The following CLVS1 variants were observed in gnomAD, a reference collection of about 807,000 sequenced individuals.
The protein encoded by CLVS1 is clavesin-1.
In CLVS1, 10 loss-of-function variants were observed where a neutral mutation model predicts 33.1. The ratio of observed to expected loss-of-function variants is 0.30; its 90% CI spans 0.19 to 0.51. CLVS1 has a LOEUF of 0.51. CLVS1 is among the 20% of genes least tolerant of loss of function. The probability of loss-of-function intolerance (pLI) is 0.97; values close to 1 mark genes in which losing one functional copy is unlikely to be tolerated. For missense variants in CLVS1, 343 were observed against 433.4 expected (o/e 0.79, Z 1.85); for synonymous variants, 163 against 166.1 (o/e 0.98, Z 0.14).
In CLVS1 at chr8:61,299,936, A is replaced by G. The variant is rs538889155; in HGVS notation, c.109A>G (p.Lys37Glu). The change falls in exon 2 of 6, where the codon AAA (lysine) becomes GAA (glutamate). Residue 37 changes from lysine to glutamate, a missense_variant. This residue lies in a region of CLVS1 where 88 missense variants were observed against 77.3 expected (regional missense o/e 1.14). Coordinates refer to ENST00000325897, the MANE Select transcript of CLVS1 (RefSeq NM_173519.3). ...TGGACTCAGTCCAGAGACTATAGAG[A>G]AAGCTCGCCTGGAACTGAATGAAAA... ...QAGLSPETIE[K>E]ARLELNENPD... 1 of 1,614,028 alleles carries G rather than the reference A, an allele frequency of 6.2e-7. No individual in the cohort carries two copies. Among genetic ancestry groups the G allele is most frequent in the Admixed American group, 1.7e-5 (1 of 59,978 alleles).
At chr8:61,495,377 G>T (rs1320073936) in intron 5 of CLVS1, among the ~76,000 whole-genome samples, 1 of 152,132 alleles carries the variant, frequency 6.6e-6, no homozygotes, top group Non-Finnish European at 1.5e-5. Context: ...GTTGCATACA[G>T]CAGATGTTCA....
rs541347133 is a variant in CLVS1, at chr8:61,475,256, T to C, written c.977+16714T>C. 2.0e-5 allele frequency among the ~76,000 whole-genome samples: 3 copies of C among 152,356 alleles called. No homozygotes were observed. The East Asian group carries it at 5.8e-4, about 29-fold the overall frequency. On this transcript the variant is annotated intron_variant, in intron 5 of 5. Transcript: ENST00000325897. ...ATTGTGAATAGTGCCGCAATAAACA[T>C]GCGTGTGCATGTGTCTTTATAGCAG...
chr8:61,312,014 G>C (rs967686633), intron 2 of CLVS1, among the ~76,000 whole-genome samples: 2 of 152,238 alleles, frequency 1.3e-5, no homozygotes, highest in Non-Finnish European at 2.9e-5. Context: ...AGCATAGCTG[G>C]CTTCCTGAAT....
intron 5 of CLVS1, among the ~76,000 whole-genome samples, chr8:61,485,206 G>A (rs1293441922): frequency 6.6e-6 from 1 of 152,040 alleles, no homozygotes; most frequent in African/African-American, 2.4e-5. Context: ...CTGACAAAAG[G>A]CTAATATCCA....
intron 2 of CLVS1, among the ~76,000 whole-genome samples, chr8:61,351,665 G>A (rs1371730654): frequency 6.6e-6 from 1 of 151,886 alleles, no homozygotes; most frequent in Non-Finnish European, 1.5e-5. Flanking sequence ...AAAAGACAAA[G>A]GAAATATCTA....
intron 1 of CLVS1, among the ~76,000 whole-genome samples, chr8:61,060,737 A>T (rs1178221424): frequency 6.6e-6 from 1 of 152,144 alleles, no homozygotes; most frequent in Non-Finnish European, 1.5e-5. Flanking sequence ...CAACTAATTT[A>T]CTTCTTTCAA....
the CLVS1 span, among the ~76,000 whole-genome samples, chr8:60,997,415 GAACA>G: frequency 1.3e-5 from 2 of 152,174 alleles, no homozygotes; most frequent in African/African-American, 4.8e-5. Context: ...TGTGTGCTGA[GAACA>G]AATACACAGA....
chr8:61,105,399 TC>T (rs1197417749), intron 1 of CLVS1, among the ~76,000 whole-genome samples: 1 of 152,198 alleles, frequency 6.6e-6, no homozygotes, highest in Non-Finnish European at 1.5e-5. Flanking sequence ...TTCTTTCTTA[TC>T]TAGTCCATTT....
intron 2 of CLVS1, among the ~76,000 whole-genome samples, chr8:61,277,438 G>A (rs549014062): frequency 1.4e-4 from 22 of 152,238 alleles, no homozygotes; most frequent in African/African-American, 4.8e-4. Flanking sequence ...TGTGTATGAC[G>A]TCCGCACACA....
rs190864351 is a variant in CLVS1, at chr8:61,460,568, C to T, written c.977+2026C>T. On this transcript the variant is annotated intron_variant, in intron 5 of 5. Coordinates refer to ENST00000325897, the MANE Select transcript of CLVS1 (RefSeq NM_173519.3). ...TCCTATTGAAACTCTCATAAAATTG[C>T]CCATGTTTGATGAGAGAAGTGAGCA... Among the ~76,000 whole-genome samples, 71 of 152,284 alleles carry T rather than the reference C, an allele frequency of 4.7e-4. 1 individual carries two copies. Among genetic ancestry groups the T allele is most frequent in the African/African-American group, 1.5e-3 (62 of 41,564 alleles).
chr8:61,150,270 G>A (rs1340044823), intron 2 of CLVS1, among the ~76,000 whole-genome samples: 2 of 152,142 alleles, frequency 1.3e-5, no homozygotes, highest in African/African-American at 4.8e-5. Flanking sequence ...CTCACTTCTG[G>A]TCCAGCAGGG....
chr8:61,005,110 G>A, the CLVS1 span, among the ~76,000 whole-genome samples: 1 of 152,164 alleles, frequency 6.6e-6, no homozygotes, highest in African/African-American at 2.4e-5. Flanking sequence ...TGCCCGATAG[G>A]GGCATCTTGC....
chr8:61,457,153 T>C (rs967428389), intron 4 of CLVS1, among the ~76,000 whole-genome samples: 4 of 151,916 alleles, frequency 2.6e-5, no homozygotes, highest in African/African-American at 9.7e-5. Flanking sequence ...GCCAGGCTGG[T>C]CTCGAACTCC....
intron 1 of CLVS1, among the ~76,000 whole-genome samples, chr8:61,104,378 C>T (rs1390475469): frequency 2.6e-5 from 4 of 152,142 alleles, no homozygotes; most frequent in East Asian, 1.9e-4. Flanking sequence ...ATATAGGTAG[C>T]GTGTATGTCT....
intron 3 of CLVS1, among the ~76,000 whole-genome samples, chr8:61,430,810 C>G (rs974477039): frequency 6.6e-6 from 1 of 152,144 alleles, no homozygotes; most frequent in African/African-American, 2.4e-5. Flanking sequence ...GATCTCAGAT[C>G]AAGGACATGG....
intron 3 of CLVS1, among the ~76,000 whole-genome samples, chr8:61,401,956 G>T (rs1447986971): frequency 6.6e-6 from 1 of 152,016 alleles, no homozygotes; most frequent in Non-Finnish European, 1.5e-5. Flanking sequence ...TAAACTTACT[G>T]CTCTGCATTG....
chr8:61,032,339 C>G, the CLVS1 span, among the ~76,000 whole-genome samples: 1 of 152,206 alleles, frequency 6.6e-6, no homozygotes, highest in Non-Finnish European at 1.5e-5. Flanking sequence ...TCTGCTTTCT[C>G]ACACCCAGTC....
the CLVS1 span, among the ~76,000 whole-genome samples, chr8:61,011,680 C>T: frequency 6.6e-6 from 1 of 152,122 alleles, no homozygotes; most frequent in African/African-American, 2.4e-5. Flanking sequence ...AATGCCTGAC[C>T]TCGTGATTCA....
At chr8:61,210,487 T>G (rs1215519896) in intron 2 of CLVS1, among the ~76,000 whole-genome samples, 1 of 152,204 alleles carries the variant, frequency 6.6e-6, no homozygotes, top group African/African-American at 2.4e-5. Context: ...ATAAATTAGC[T>G]GCCATGTCAT....
Sources: allele counts gnomAD v4.1 joint callset (sites outside exome capture counted in the v4.1 genomes callset), GRCh38; gene constraint gnomAD v4.1.1; regional missense constraint gnomAD v4.1.1; transcripts MANE v1.5; gene names NCBI Gene and HGNC (gene_info 2026-07-23, HGNC 2026-07-21).